Variants in PHF21B observed in about 807,000 individuals in gnomAD.
The protein encoded by PHF21B is PHD finger protein 4.
In PHF21B, 22 loss-of-function variants were observed where a neutral mutation model predicts 62.2. That is an observed-to-expected ratio of 0.35 (90% CI 0.25 to 0.51). The LOEUF (loss-of-function observed/expected upper bound fraction) is 0.51. PHF21B is among the 20% of genes least tolerant of loss of function. The pLI, the probability that PHF21B is intolerant of heterozygous loss-of-function variation, is 0.97. For synonymous variants in PHF21B, 341 were observed against 314.7 expected, an observed-to-expected ratio of 1.08 and a Z score of -0.88; for missense variants, 701 against 707.9, an observed-to-expected ratio of 0.99 and a Z score of 0.11.
At chr22:44,897,625 A>G (rs2147267136) in intron 5 of PHF21B, among the ~76,000 whole-genome samples, 1 of 152,178 alleles carries the variant, frequency 6.6e-6, no homozygotes, top group East Asian at 1.9e-4. Flanking sequence ...GACTTGCAAT[A>G]TATTTTCCCC....
chr22:44,922,068 G>T (rs1232944280), intron 2 of PHF21B, among the ~76,000 whole-genome samples: 1 of 152,246 alleles, frequency 6.6e-6, no homozygotes, highest in Non-Finnish European at 1.5e-5. Context: ...CCAGGGACCA[G>T]TGAGGTTCTC....
chr22:44,884,385 ACGG>A (rs2070809066), intron 12 of PHF21B, among the ~76,000 whole-genome samples: 3 of 46,030 alleles, frequency 6.5e-5, no homozygotes, highest in Non-Finnish European at 1.6e-4. Context: ...CACCACCATC[ACGG>A]TGATGAGCAC....
At chr22:44,884,633 TATC>T (rs1317418796) in intron 12 of PHF21B, among the ~76,000 whole-genome samples, 6 of 134,730 alleles carry the variant, frequency 4.5e-5, no homozygotes, top group Non-Finnish European at 6.3e-5. Context: ...TAATCACCAT[TATC>T]ATCACCACCA....
chr22:44,987,619 C>CTA (rs200994942), intron 2 of PHF21B, among the ~76,000 whole-genome samples: 2,843 of 152,236 alleles, frequency 0.019, 83 homozygotes, highest in African/African-American at 0.064. Flanking sequence ...CCATGGTCCT[C>CTA]TGACCACCCA....
chr22:44,978,941 G>A (rs1324004538), intron 2 of PHF21B, among the ~76,000 whole-genome samples: 1 of 152,222 alleles, frequency 6.6e-6, no homozygotes, highest in Non-Finnish European at 1.5e-5. Flanking sequence ...CACTGGCCCC[G>A]GGGAGAAAAC....
intron 2 of PHF21B, among the ~76,000 whole-genome samples, chr22:44,968,639 A>T (rs2072577550): frequency 2.0e-5 from 1 of 50,662 alleles, no homozygotes; most frequent in African/African-American, 6.5e-5. Context: ...GTGAGATTCC[A>T]TCTCAAAAAA....
intron 2 of PHF21B, among the ~76,000 whole-genome samples, chr22:44,942,235 G>A (rs76647027): frequency 0.074 from 11,310 of 152,232 alleles, 501 homozygotes; most frequent in South Asian, 0.11. Context: ...TTGGTGTGGG[G>A]GCCTGGGACA....
At chr22:45,008,632 G>A (rs761890261) in intron 1 of PHF21B, 22 bp from the exon 2 acceptor site, 8 of 1,563,480 alleles carry the variant, frequency 5.1e-6, no homozygotes, top group East Asian at 2.4e-5. Context: ...CGGAGGAGCG[G>A]GCTCAGGCAG....
At chr22:44,906,963 C>T (rs1232351754) in intron 5 of PHF21B, among the ~76,000 whole-genome samples, 2 of 152,260 alleles carry the variant, frequency 1.3e-5, no homozygotes, top group East Asian at 1.9e-4. Flanking sequence ...TGATGGCCAC[C>T]GCCCTGCAGT....
intron 2 of PHF21B, among the ~76,000 whole-genome samples, chr22:44,994,673 G>T (rs1396262554): frequency 6.6e-6 from 1 of 152,206 alleles, no homozygotes; most frequent in East Asian, 1.9e-4. Flanking sequence ...CTCACACACA[G>T]CTGAGCCCAG....
intron 2 of PHF21B, among the ~76,000 whole-genome samples, chr22:44,933,182 G>A (rs900050409): frequency 6.6e-6 from 1 of 151,516 alleles, no homozygotes; most frequent in African/African-American, 2.4e-5. Context: ...GCACATCTCG[G>A]CTTGCTGCAA....
At chr22:44,911,106 G>A (rs1467548450) in intron 5 of PHF21B, among the ~76,000 whole-genome samples, 1 of 152,190 alleles carries the variant, frequency 6.6e-6, no homozygotes, top group Non-Finnish European at 1.5e-5. Context: ...CTTTGAACTT[G>A]AGAGAGATGA....
intron 2 of PHF21B, chr22:45,001,954 C>T (rs1278642569): frequency 1.3e-5 from 2 of 152,232 alleles, no homozygotes; most frequent in Non-Finnish European, 2.9e-5. Context: ...CTTGTACTGC[C>T]ATTTTCCCGA....
chr22:44,957,800 G>A (rs756246992), intron 2 of PHF21B, among the ~76,000 whole-genome samples: 1 of 151,982 alleles, frequency 6.6e-6, no homozygotes, highest in Non-Finnish European at 1.5e-5. Context: ...GCCTCACCCA[G>A]TATCTTTCTG....
chr22:44,979,685 GC>G (rs1462191020), intron 2 of PHF21B, among the ~76,000 whole-genome samples: 1 of 152,218 alleles, frequency 6.6e-6, no homozygotes, highest in Non-Finnish European at 1.5e-5. Context: ...GGCTGTGTGT[GC>G]TCAGACACTT....
Position 44,881,743 on chromosome 22 carries a change from C to T in PHF21B, c.*1343G>A, listed in dbSNP as rs1320718543. 6.5e-6 allele frequency: 1 copy of T among 152,724 alleles called. No homozygotes were observed. The highest frequency in any genetic ancestry group is 1.5e-5 in the Non-Finnish European group (1 of 68,074). 9.5% of individuals were successfully genotyped at this position (152,724 alleles called of 1,614,324 possible). ...GTGCAATTCGGCACCATGTGATATG[C>T]TCGGGGTGGGAGCCCGTGGCTCCTG... On this transcript the variant is annotated 3_prime_UTR_variant, in exon 13 of 13. Transcript: ENST00000313237.
At chr22:45,006,110 G>A (rs545335851) in intron 2 of PHF21B, among the ~76,000 whole-genome samples, 1 of 152,230 alleles carries the variant, frequency 6.6e-6, no homozygotes, top group African/African-American at 2.4e-5. Context: ...AGATTTCAAC[G>A]CAGAGCCTGG....
intron 2 of PHF21B, among the ~76,000 whole-genome samples, chr22:44,997,192 A>C (rs949237276): frequency 1.3e-5 from 2 of 152,120 alleles, no homozygotes; most frequent in Non-Finnish European, 2.9e-5. Flanking sequence ...CGTCCCCTCC[A>C]GTCCCTTACG....
At chr22:44,950,956 G>A (rs533219803) in intron 2 of PHF21B, among the ~76,000 whole-genome samples, 152 of 152,214 alleles carry the variant, frequency 1.0e-3, no homozygotes, top group African/African-American at 3.6e-3. Flanking sequence ...ATGGACAGAA[G>A]TGGTAAGTAA....
Sources: allele counts gnomAD v4.1 joint callset (sites outside exome capture counted in the v4.1 genomes callset), GRCh38; gene constraint gnomAD v4.1.1; transcripts MANE v1.5; gene names NCBI Gene and HGNC (gene_info 2026-07-23, HGNC 2026-07-21).